HS3ST5: variants seen among roughly 807,000 people sequenced by gnomAD.
The protein encoded by HS3ST5 is heparan sulfate-glucosamine 3-sulfotransferase 5.
In HS3ST5, 10 loss-of-function variants were observed where a neutral mutation model predicts 25.4. The ratio of observed to expected loss-of-function variants is 0.39; its 90% CI spans 0.24 to 0.67. The LOEUF is 0.67. Among genes scored for constraint, HS3ST5 ranks in the 30% least tolerant of loss-of-function variants. The pLI is 0.44. For synonymous variants in HS3ST5, 170 were observed against 162.4 expected, an observed-to-expected ratio of 1.05 and a Z score of -0.36; for missense variants, 324 against 420.7, an observed-to-expected ratio of 0.77 and a Z score of 2.01.
Position 114,214,390 on chromosome 6 carries a change from G to C in HS3ST5, c.-145+14195C>G, listed in dbSNP as rs1781654433. ...TGCATTTAATTGTCACATCTCCTTA[G>C]TCTCCTTCAAACTGTATCAGTTCCC... On this transcript the variant is annotated intron_variant, in intron 2 of 4. Transcript: ENST00000312719. Among the ~76,000 whole-genome samples the C allele has an allele frequency of 2.6e-5, 4 of 152,070 alleles. No individual in the cohort carries two copies. The South Asian group carries it at 8.3e-4, about 32-fold the overall frequency.
chr6:114,060,038 G>A (rs1182996143), intron 4 of HS3ST5, among the ~76,000 whole-genome samples: 1 of 151,832 alleles, frequency 6.6e-6, no homozygotes, highest in Non-Finnish European at 1.5e-5. Flanking sequence ...TTTTGAGACG[G>A]AGTCTTGGTC....
chr6:114,211,803 A>G (rs1781520620), intron 2 of HS3ST5, among the ~76,000 whole-genome samples: 1 of 152,272 alleles, frequency 6.6e-6, no homozygotes, highest in Non-Finnish European at 1.5e-5. Flanking sequence ...AGAATTCAAA[A>G]TAGACTCTGA....
At chr6:114,089,455 C>T (rs775438015) in intron 3 of HS3ST5, among the ~76,000 whole-genome samples, 1 of 152,208 alleles carries the variant, frequency 6.6e-6, no homozygotes, top group Admixed American at 6.5e-5. Flanking sequence ...CCTATCCTTT[C>T]GTGTCCTGGT....
intron 2 of HS3ST5, among the ~76,000 whole-genome samples, chr6:114,203,215 C>T (rs1414432281): frequency 2.0e-5 from 3 of 152,192 alleles, no homozygotes; most frequent in Non-Finnish European, 4.4e-5. Flanking sequence ...GTGAAACTGC[C>T]TTTGTAGTTT....
At chr6:114,075,321 C>T (rs1193637725) in intron 3 of HS3ST5, among the ~76,000 whole-genome samples, 3 of 152,228 alleles carry the variant, frequency 2.0e-5, no homozygotes, top group Admixed American at 6.5e-5. Flanking sequence ...ACTTCAGAAT[C>T]TCACCTCCTG....
At chr6:114,267,572 A>G (rs1773460872) in intron 1 of HS3ST5, among the ~76,000 whole-genome samples, 1 of 152,158 alleles carries the variant, frequency 6.6e-6, no homozygotes, top group African/African-American at 2.4e-5. Flanking sequence ...TCGGGGTAGC[A>G]TAAATCTAGC....
chr6:114,239,096 CTCACA>C (rs1771987246), intron 1 of HS3ST5: 2 of 152,190 alleles, frequency 1.3e-5, no homozygotes. Flanking sequence ...ATTTTTAAAA[CTCACA>C]GGCAAGCTTT....
chr6:114,059,198 T>C (rs962931837), intron 4 of HS3ST5: 6 of 152,244 alleles, frequency 3.9e-5, no homozygotes, highest in African/African-American at 1.2e-4. Context: ...AAATTGAGTT[T>C]CCTTTTAGGT....
chr6:114,129,519 T>G (rs1007125529), intron 3 of HS3ST5, among the ~76,000 whole-genome samples: 1 of 152,150 alleles, frequency 6.6e-6, no homozygotes, highest in Non-Finnish European at 1.5e-5. Context: ...CCTCCCAAAG[T>G]GCTGGGATTA....
chr6:114,081,623 C>G (rs1774454325), intron 3 of HS3ST5, among the ~76,000 whole-genome samples: 1 of 152,130 alleles, frequency 6.6e-6, no homozygotes, highest in African/African-American at 2.4e-5. Context: ...AGGAGATAAA[C>G]TAGTTGCTTG....
intron 3 of HS3ST5, among the ~76,000 whole-genome samples, chr6:114,106,092 G>C (rs1247694482): frequency 6.6e-6 from 1 of 152,068 alleles, no homozygotes; most frequent in African/African-American, 2.4e-5. Flanking sequence ...TATATTGCCT[G>C]TGGGAAAACA....
chr6:114,150,086 G>T (rs905517073), intron 3 of HS3ST5, among the ~76,000 whole-genome samples: 1 of 152,200 alleles, frequency 6.6e-6, no homozygotes, highest in Non-Finnish European at 1.5e-5. Context: ...AGTAGGAAAT[G>T]ACTATGTTTT....
intron 3 of HS3ST5, among the ~76,000 whole-genome samples, chr6:114,114,473 A>G (rs1242572231): frequency 2.0e-5 from 3 of 152,150 alleles, no homozygotes; most frequent in Non-Finnish European, 2.9e-5. Context: ...TGAAGATCCA[A>G]TAGGATCATA....
chr6:114,184,228 G>C (rs963058633), intron 2 of HS3ST5, among the ~76,000 whole-genome samples: 1 of 151,838 alleles, frequency 6.6e-6, no homozygotes, highest in Non-Finnish European at 1.5e-5. Flanking sequence ...GCAGTGGTTT[G>C]GTTGCTCCTG....
At chr6:114,224,695 T>TAC (rs538572462) in intron 2 of HS3ST5, among the ~76,000 whole-genome samples, 61 of 105,418 alleles carry the variant, frequency 5.8e-4, no homozygotes, top group African/African-American at 1.3e-3. Flanking sequence ...TACATATATA[T>TAC]ATATACACAC....
intron 3 of HS3ST5, among the ~76,000 whole-genome samples, chr6:114,116,386 T>C (rs1328832135): frequency 3.9e-5 from 6 of 152,082 alleles, no homozygotes; most frequent in Admixed American, 3.9e-4. Flanking sequence ...ACCCCAGTTC[T>C]AGTTTGCCTA....
At chr6:114,257,722 G>GTTC (rs572543975) in intron 1 of HS3ST5, among the ~76,000 whole-genome samples, 1 of 151,932 alleles carries the variant, frequency 6.6e-6, no homozygotes, top group East Asian at 1.9e-4. Context: ...ACGTATATTA[G>GTTC]TTCTTCTTCT....
At chr6:114,161,807 A>T (rs1373769505) in intron 3 of HS3ST5, among the ~76,000 whole-genome samples, 1 of 151,364 alleles carries the variant, frequency 6.6e-6, no homozygotes, top group Non-Finnish European at 1.5e-5. Context: ...TCCACTTGGA[A>T]AGTAACGTAA....
At chr6:114,113,880 G>A (rs891389815) in intron 3 of HS3ST5, among the ~76,000 whole-genome samples, 2 of 151,974 alleles carry the variant, frequency 1.3e-5, no homozygotes, top group Non-Finnish European at 2.9e-5. Flanking sequence ...TAGTATGAAA[G>A]TAGGATGCCT....
Sources: gnomAD v4.1 joint callset for allele counts (sites outside exome capture counted in the v4.1 genomes callset) on GRCh38, gnomAD v4.1.1 for gene constraint, MANE v1.5 for transcripts, NCBI Gene and HGNC (gene_info 2026-07-23, HGNC 2026-07-21) for gene names.